DCTPP1: variants seen among roughly 807,000 people sequenced by gnomAD.
DCTPP1 encodes the protein dCTP pyrophosphatase 1.
A neutral mutation model predicts 8.8 loss-of-function variants in DCTPP1; 8 were observed. That is an observed-to-expected ratio of 0.91 (90% CI 0.54 to 1.64). DCTPP1 has a LOEUF of 1.64. Among genes scored for constraint, DCTPP1 ranks in the 40% most tolerant of loss-of-function variants. The pLI is 0.00. For synonymous variants in DCTPP1, 85 were observed against 92.1 expected, an observed-to-expected ratio of 0.92 and a Z score of 0.44; for missense variants, 231 against 230.4, an observed-to-expected ratio of 1.00 and a Z score of -0.02.
chr16:30,429,135 C>CGT lies in DCTPP1; in HGVS notation c.132_133dup (p.Arg45HisfsTer63). On this transcript the variant is annotated frameshift_variant, in exon 2 of 3. Coordinates refer to ENST00000319285, the MANE Select transcript of DCTPP1 (RefSeq NM_024096.2). LOFTEE classifies it high-confidence loss of function. ...AGGCTGATGGAACTGTTCCCAGTCT[C>CGT]GTTCCGCAGCAAACTCAGCATGGAG... 6.2e-7 allele frequency: 1 copy of CGT among 1,613,984 alleles called. No individual in the cohort carries two copies. Among genetic ancestry groups the CGT allele is most frequent in the Non-Finnish European group, 8.5e-7 (1 of 1,179,954 alleles).
At chr16:30,424,676 C>A in intron 2 of DCTPP1, 143 bp from the exon 3 acceptor site, 1 of 1,004,692 alleles carries the variant, frequency 1.0e-6, no homozygotes, top group South Asian at 1.7e-5. Flanking sequence ...GAAGAGACCC[C>A]GACAGATGAT....
At chr16:30,428,871 C>T in intron 2 of DCTPP1, 186 bp downstream of exon 2, 1 of 558,760 alleles carries the variant, frequency 1.8e-6, no homozygotes, top group Non-Finnish European at 3.1e-6. Context: ...TCACACCTCT[C>T]TCTTCCAGGA....
intron 2 of DCTPP1, among the ~76,000 whole-genome samples, chr16:30,427,140 G>T (rs1446721033): frequency 1.3e-5 from 2 of 151,728 alleles, no homozygotes; most frequent in Admixed American, 1.3e-4. Context: ...CTCCTGCGTA[G>T]CTGGGACTAC....
At chr16:30,427,510 A>C (rs1166666108) in intron 2 of DCTPP1, among the ~76,000 whole-genome samples, 4 of 152,118 alleles carry the variant, frequency 2.6e-5, no homozygotes, top group Admixed American at 2.6e-4. Context: ...ACAGGGTTTC[A>C]CCATGTTGGC....
At chr16:30,427,415 C>T (rs1269223291) in intron 2 of DCTPP1, among the ~76,000 whole-genome samples, 1 of 151,182 alleles carries the variant, frequency 6.6e-6, no homozygotes, top group African/African-American at 2.4e-5. Flanking sequence ...TGGGTTCAAG[C>T]GATTCTTGTG....
At chr16:30,424,554 GAC>G (rs767270788) in intron 2 of DCTPP1, 21 bp from the exon 3 acceptor site, 10 of 1,608,722 alleles carry the variant, frequency 6.2e-6, no homozygotes, top group Non-Finnish European at 8.5e-6. Context: ...AACACAGACA[GAC>G]ACACACTCAG....
At position 30,424,261 on chromosome 16, in the gene DCTPP1, C is replaced by T. The variant is rs1346504633; in HGVS notation, c.485G>A (p.Cys162Tyr). The change falls in exon 3 of 3, where the codon TGT (cysteine) becomes TAT (tyrosine). Residue 162 changes from cysteine to tyrosine, a missense_variant. Transcript: ENST00000319285. ...DQAVGPADIP[C>Y]DSTGQTST ...GGTTGAGGTCTGGCCTGTGGAGTCA[C>T]AGGGAATGTCCGCAGGCCCCACAGC... is the stretch of plus-strand genomic sequence containing the variant. 1 of 1,614,072 alleles carries T rather than the reference C, an allele frequency of 6.2e-7. No individual in the cohort carries two copies. Among genetic ancestry groups the T allele is most frequent in the Non-Finnish European group, 8.5e-7 (1 of 1,180,044 alleles).
intron 2 of DCTPP1, among the ~76,000 whole-genome samples, chr16:30,428,303 T>C (rs1422039121): frequency 1.3e-5 from 2 of 152,152 alleles, no homozygotes; most frequent in Non-Finnish European, 2.9e-5. Flanking sequence ...AGAAAACAGA[T>C]CCCAAATCCC....
intron 1 of DCTPP1, chr16:30,429,450 G>A (rs747527949): frequency 2.9e-4 from 121 of 421,968 alleles, no homozygotes; most frequent in Non-Finnish European, 4.5e-4. Context: ...TCCTCCACCT[G>A]GAATCGCCGC....
At chr16:30,425,442 C>T (rs1220604930) in intron 2 of DCTPP1, among the ~76,000 whole-genome samples, 3 of 151,706 alleles carry the variant, frequency 2.0e-5, no homozygotes, top group African/African-American at 4.8e-5. Flanking sequence ...GAGCCGAGAT[C>T]GCACCACAGC....
chr16:30,424,181 A>G lies in DCTPP1; in HGVS notation c.*52T>C. 1 of 1,591,588 alleles carries G rather than the reference A, an allele frequency of 6.3e-7. No homozygotes were observed. Among genetic ancestry groups the G allele is most frequent in the South Asian group, 1.1e-5 (1 of 88,002 alleles). On this transcript the variant is annotated 3_prime_UTR_variant, in exon 3 of 3. Coordinates refer to ENST00000319285, the MANE Select transcript of DCTPP1 (RefSeq NM_024096.2). ...TAGAAAAAGGCTCCAGGGCCAGGCC[A>G]CTCTCTGCTCTTCAGACACCACCCT...
At chr16:30,425,006 G>C (rs1233819484) in intron 2 of DCTPP1, among the ~76,000 whole-genome samples, 1 of 152,242 alleles carries the variant, frequency 6.6e-6, no homozygotes, top group Non-Finnish European at 1.5e-5. Context: ...TCCGTCTTCC[G>C]AGTTGCTGGG....
intron 2 of DCTPP1, among the ~76,000 whole-genome samples, chr16:30,425,232 T>C (rs1277605487): frequency 1.3e-5 from 2 of 151,544 alleles, no homozygotes; most frequent in African/African-American, 2.4e-5. Context: ...CTCACGCCTA[T>C]AATCCCAGCA....
chr16:30,426,572 A>T (rs1261389046), intron 2 of DCTPP1, among the ~76,000 whole-genome samples: 1 of 145,474 alleles, frequency 6.9e-6, no homozygotes, highest in South Asian at 2.2e-4. Context: ...CCCGGATTCA[A>T]GCGATTCTCC....
rs1011154157 is a variant in DCTPP1, at chr16:30,423,866, G to T, written c.*367C>A. On this transcript the variant is annotated 3_prime_UTR_variant, in exon 3 of 3. Coordinates refer to ENST00000319285, the MANE Select transcript of DCTPP1 (RefSeq NM_024096.2). ...GCCTTCAATCTCTAAGAGGGGGAAG[G>T]AACTTACATGACATCCTACTGGGAA... 9.5e-6 allele frequency: 2 copies of T among 211,376 alleles called. No homozygotes were observed. The highest frequency in any genetic ancestry group is 1.9e-4 in the South Asian group (2 of 10,564). 13.1% of individuals were successfully genotyped at this position (211,376 alleles called of 1,614,324 possible). A position where few individuals can be genotyped will look rare whatever the true frequency, so the allele number is the denominator to read the frequency against.
At chr16:30,428,345 G>C (rs1299065582) in intron 2 of DCTPP1, among the ~76,000 whole-genome samples, 1 of 152,216 alleles carries the variant, frequency 6.6e-6, no homozygotes, top group Non-Finnish European at 1.5e-5. Flanking sequence ...CAATGAAGGA[G>C]CGTCAGATTC....
At chr16:30,429,366 A>T in intron 1 of DCTPP1, 199 bp from the exon 2 acceptor site, 1 of 504,634 alleles carries the variant, frequency 2.0e-6, no homozygotes, top group Non-Finnish European at 3.5e-6. Context: ...GTGCCCCTGA[A>T]CTGCCCTTAA....
rs2050181089 is a variant in DCTPP1 at position 30,424,464 on chromosome 16, C to T, written c.282G>A (p.Glu94=). 1 of 1,614,118 alleles carries T rather than the reference C, an allele frequency of 6.2e-7. No homozygotes were observed. Among genetic ancestry groups the T allele is most frequent in the Non-Finnish European group, 8.5e-7 (1 of 1,180,048 alleles). The change falls in exon 3 of 3, where the codon GAG becomes GAA. Residue 94 remains glutamate (E), a synonymous_variant. Coordinates refer to ENST00000319285, the MANE Select transcript of DCTPP1 (RefSeq NM_024096.2). ...GGTAGATGAGGACGTCACTAAGCTC[C>T]TCTTGAAGGGCTGCCCGTTCCCTGG... is the stretch of plus-strand genomic sequence containing the variant. ...WSPRERAALQ[E]ELSDVLIYLV...
intron 1 of DCTPP1, 95 bp from the exon 2 acceptor site, chr16:30,429,262 T>C: frequency 8.1e-7 from 1 of 1,230,670 alleles, no homozygotes; most frequent in Middle Eastern, 2.1e-4. Context: ...TAATGGGGCC[T>C]GGGACCAGGA....
Sources: gnomAD v4.1 joint callset for allele counts (sites outside exome capture counted in the v4.1 genomes callset) on GRCh38, gnomAD v4.1.1 for gene constraint, MANE v1.5 for transcripts, NCBI Gene and HGNC (gene_info 2026-07-23, HGNC 2026-07-21) for gene names.